CAPN2: variants seen among roughly 807,000 people sequenced by gnomAD.
The protein encoded by CAPN2 is calpain-2 catalytic subunit.
CAPN2 carries 92 observed loss-of-function variants against 102.3 expected under a neutral mutation model. That is an observed-to-expected ratio of 0.90 (90% CI 0.76 to 1.07). The LOEUF is 1.07. Ranked by LOEUF, CAPN2 falls within the 50% of genes least tolerant of loss-of-function variation. The pLI is 0.00. For synonymous variants in CAPN2, 340 were observed against 355.4 expected, an observed-to-expected ratio of 0.96 and a Z score of 0.49; for missense variants, 800 against 909.4, an observed-to-expected ratio of 0.88 and a Z score of 1.55.
intron 20 of CAPN2, 86 bp downstream of exon 20, chr1:223,772,325 C>G: frequency 8.1e-7 from 1 of 1,227,048 alleles, no homozygotes; most frequent in South Asian, 1.2e-5. Context: ...TCTGCTTTTT[C>G]AAGTTTTGCT....
chr1:223,746,711 C>T (rs1660759234), intron 4 of CAPN2, among the ~76,000 whole-genome samples: 1 of 152,044 alleles, frequency 6.6e-6, no homozygotes, highest in South Asian at 2.1e-4. Flanking sequence ...AACTCCTGAC[C>T]TCAAGTGATC....
In CAPN2 at chr1:223,754,769, C is replaced by G. The variant is rs1426847981; in HGVS notation, c.1136-711C>G. Among the ~76,000 whole-genome samples, 4 of 152,196 alleles carry G rather than the reference C, an allele frequency of 2.6e-5. No homozygotes were observed. The highest frequency in any genetic ancestry group is 6.5e-5 in the Admixed American group (1 of 15,286). On this transcript the variant is annotated intron_variant, in intron 9 of 20. Coordinates refer to ENST00000295006, the MANE Select transcript of CAPN2 (RefSeq NM_001748.5). The surrounding 1 kb of genome is among the most constrained non-coding windows in gnomAD (Gnocchi z 4.7). ...CAAGGGACGCAGAACAAGAAAGAGT[C>G]TGGAATTATACACAGGATGTTCTTG...
At chr1:223,711,298 C>G (rs1659721607), upstream of CAPN2, among the ~76,000 whole-genome samples, 1 of 152,134 alleles carries the variant, frequency 6.6e-6, no homozygotes, top group Admixed American at 6.5e-5. Context: ...GAGGTAATTT[C>G]TGCCCATCTG....
intron 11 of CAPN2, chr1:223,758,927 C>G: frequency 6.0e-6 from 2 of 331,994 alleles, no homozygotes; most frequent in South Asian, 5.5e-5. Flanking sequence ...CTCCTGGCCT[C>G]GAGCAATCCT....
intron 2 of CAPN2, among the ~76,000 whole-genome samples, chr1:223,730,377 C>CT (rs1210561709): frequency 6.0e-5 from 8 of 133,942 alleles, no homozygotes; most frequent in Non-Finnish European, 1.6e-5. Context: ...TCATTAGTGT[C>CT]AGTGTATTTT....
rs554557079 is a variant in CAPN2 at position 223,766,947 on chromosome 1, G to A, written c.1755+516G>A. Among the ~76,000 whole-genome samples the A allele has an allele frequency of 2.0e-4, 30 of 150,938 alleles. No homozygotes were observed. In the East Asian group the frequency reaches 4.7e-3, roughly 24 times the overall value. ...TGCACTCCAGCCTGGGTGACAGAGC[G>A]TGACTCATCGCCAAAAAAAAAAAAA... On this transcript the variant is annotated intron_variant, in intron 16 of 20. Transcript: ENST00000295006.
intron 2 of CAPN2, among the ~76,000 whole-genome samples, chr1:223,732,608 A>G (rs1660362919): frequency 6.6e-6 from 1 of 152,116 alleles, no homozygotes; most frequent in South Asian, 2.1e-4. Context: ...CAAGGTCTTT[A>G]TGACCTGTAT....
rs756656697 is a variant in CAPN2, at chr1:223,759,399, A to C, written c.1447A>C (p.Ile483Leu). The change falls in exon 12 of 21, where the codon ATT (isoleucine) becomes CTT (leucine). Residue 483 changes from isoleucine to leucine, a missense_variant. Ile to Leu is a conservative substitution (Grantham distance 5). Transcript: ENST00000295006. The surrounding 1 kb of genome is among the most constrained non-coding windows in gnomAD (Gnocchi z 4.6). ...CTTCAAGCTGCCGCCAGGAGAGTACATTCTCGTGCCTTCCACCTTCGAACC... is the reference window on the plus strand; with the variant it reads ...CTTCAAGCTGCCGCCAGGAGAGTACCTTCTCGTGCCTTCCACCTTCGAACC... ...NRFKLPPGEY[I>L]LVPSTFEPNK... The C allele has an allele frequency of 9.3e-6, 15 of 1,614,074 alleles. No homozygotes were observed. Among genetic ancestry groups the C allele is most frequent in the Non-Finnish European group, 9.3e-6 (11 of 1,180,046 alleles).
Position 223,760,487 on chromosome 1 carries a change from C to T in CAPN2, c.1529+1006C>T, listed in dbSNP as rs142294905. On this transcript the variant is annotated intron_variant, in intron 12 of 20. Coordinates refer to ENST00000295006, the MANE Select transcript of CAPN2 (RefSeq NM_001748.5). ...TGCATACCAATGAATGCCACCATAG[C>T]ACGGCTGTAGCCCCCCTGCCACTGA... 1.8e-3 allele frequency among the ~76,000 whole-genome samples: 280 copies of T among 152,346 alleles called. 3 individuals carry two copies. Among genetic ancestry groups the T allele is most frequent in the African/African-American group, 4.9e-3 (203 of 41,578 alleles).
At chr1:223,769,450 A>G (rs1284558326) in intron 16 of CAPN2, among the ~76,000 whole-genome samples, 3 of 152,044 alleles carry the variant, frequency 2.0e-5, no homozygotes, top group Non-Finnish European at 4.4e-5. Context: ...TAGTGGATTC[A>G]TGGTGTACAC....
At chr1:223,764,066 C>T in intron 14 of CAPN2, 84 bp from the exon 15 acceptor site, 1 of 1,075,264 alleles carries the variant, frequency 9.3e-7, no homozygotes, top group South Asian at 1.3e-5. Flanking sequence ...CACCGCAGGC[C>T]TACCTAATGC....
chr1:223,774,785 A>C (rs762595731), intron 20 of CAPN2, 49 bp from the exon 21 acceptor site: 1 of 1,581,056 alleles, frequency 6.3e-7, no homozygotes, highest in Non-Finnish European at 8.7e-7. Flanking sequence ...AATAGCCTTT[A>C]ATTTTAAAAG....
chr1:223,772,323 T>A, intron 20 of CAPN2, 84 bp downstream of exon 20: 1 of 1,259,902 alleles, frequency 7.9e-7, no homozygotes, highest in East Asian at 2.3e-5. Context: ...GATCTGCTTT[T>A]TCAAGTTTTG....
Position 223,759,283 on chromosome 1 carries a change from C to A in CAPN2, c.1331C>A (p.Thr444Asn), listed in dbSNP as rs376104085. 3 of 1,614,166 alleles carry A rather than the reference C, an allele frequency of 1.9e-6. No homozygotes were observed. The highest frequency in any genetic ancestry group is 2.5e-6 in the Non-Finnish European group (3 of 1,180,004). Residue 444 changes from threonine (T) to asparagine (N), a missense_variant, in exon 12 of 21, where the codon ACC becomes AAC. Physicochemically the swap from Thr to Asn is moderately conservative, Grantham distance 65 (BLOSUM62 0). Coordinates refer to ENST00000295006, the MANE Select transcript of CAPN2 (RefSeq NM_001748.5). This position sits in a 1 kb window ranked among gnomAD's most constrained non-coding sequence, Gnocchi z 4.6. ...TTTATTCCTCAGTTAAGTGGGCAGA[C>A]CAACATCCACCTCAGCAAAAACTTC... is the stretch of plus-strand genomic sequence containing the variant. ...YEVPEELSGQ[T>N]NIHLSKNFFL...
upstream of CAPN2, among the ~76,000 whole-genome samples, chr1:223,707,747 C>T (rs559559543): frequency 1.3e-5 from 2 of 152,314 alleles, no homozygotes; most frequent in East Asian, 3.9e-4. Context: ...AGAGGAACTT[C>T]AGGTGAGCCA....
chr1:223,745,510 C>T, intron 4 of CAPN2, 71 bp downstream of exon 4: 1 of 1,574,858 alleles, frequency 6.3e-7, no homozygotes. Context: ...TTCACTCATG[C>T]CTGTAATCTC....
At chr1:223,750,185 T>A (rs937882422) in intron 6 of CAPN2, among the ~76,000 whole-genome samples, 1 of 152,212 alleles carries the variant, frequency 6.6e-6, no homozygotes, top group Non-Finnish European at 1.5e-5. Context: ...GTTGAAAGAC[T>A]AACATAATAA....
At position 223,755,716 on chromosome 1, in the gene CAPN2, T is replaced by G. The variant is rs1661018637; in HGVS notation, c.1305+67T>G. The G allele has an allele frequency of 2.1e-6, 3 of 1,435,136 alleles. No homozygotes were observed. In the African/African-American group the frequency reaches 4.3e-5, roughly 21 times the overall value. 88.9% of individuals were successfully genotyped at this position (1,435,136 alleles called of 1,614,324 possible). On this transcript the variant is annotated intron_variant, in intron 10 of 20. Coordinates refer to ENST00000295006, the MANE Select transcript of CAPN2 (RefSeq NM_001748.5). This position sits in a 1 kb window ranked among gnomAD's most constrained non-coding sequence, Gnocchi z 4.1. ...TCATCTCAGCCCCTGCATGGAAAGCTGACCCCAGAGGCAGAACTGGGGATG... is the reference window on the plus strand; with the variant it reads ...TCATCTCAGCCCCTGCATGGAAAGCGGACCCCAGAGGCAGAACTGGGGATG...
chr1:223,705,775 C>T (rs370243058), intron 1 of CAPN2, among the ~76,000 whole-genome samples: 56 of 152,312 alleles, frequency 3.7e-4, no homozygotes, highest in African/African-American at 1.3e-3. Flanking sequence ...GTCAAGTACT[C>T]ATGTGCCTGT....
Sources: allele counts gnomAD v4.1 joint callset (sites outside exome capture counted in the v4.1 genomes callset), GRCh38; gene constraint gnomAD v4.1.1; non-coding constraint Gnocchi (gnomAD v3.1); transcripts MANE v1.5; gene names NCBI Gene and HGNC (gene_info 2026-07-23, HGNC 2026-07-21).